GGT7: variants seen among roughly 807,000 people sequenced by gnomAD.
GGT7 encodes the protein gamma-glutamyltransferase 7, also known as glutathione hydrolase 7.
In GGT7, 30 loss-of-function variants were observed where a neutral mutation model predicts 69.2. The observed-to-expected ratio is 0.43, with a 90% confidence interval of 0.32 to 0.59. The LOEUF is 0.59. Among genes scored for constraint, GGT7 ranks in the 20% least tolerant of loss-of-function variants. The probability of loss-of-function intolerance (pLI) is 0.05; values close to 1 mark genes in which losing one functional copy is unlikely to be tolerated. For missense variants in GGT7, 733 were observed against 901.1 expected (o/e 0.81, Z 2.39); for synonymous variants, 388 against 391.8 (o/e 0.99, Z 0.12).
Position 34,845,150 on chromosome 20 carries a change from AC to A in GGT7, c.*177del. 2 of 300,124 alleles carry A rather than the reference AC, an allele frequency of 6.7e-6. No homozygotes were observed. The highest frequency in any genetic ancestry group is 2.8e-5 in the South Asian group (1 of 35,862). 18.6% of individuals were successfully genotyped at this position (300,124 alleles called of 1,614,324 possible). On this transcript the variant is annotated 3_prime_UTR_variant, in exon 15 of 15. Transcript: ENST00000336431. ...CACCACCACCACCACCACCACCACCACCACAGGCCTCCTGATGGAGAATTTT... is the reference window on the plus strand; with the variant it reads ...CACCACCACCACCACCACCACCACCACACAGGCCTCCTGATGGAGAATTTT...
In GGT7 at chr20:34,845,138, A is replaced by ACCACCACCACCACCACCACCC; in HGVS notation, c.*189_*190insGGGTGGTGGTGGTGGTGGTGG. 1 of 317,250 alleles carries ACCACCACCACCACCACCACCC rather than the reference A, an allele frequency of 3.2e-6. No homozygotes were observed. Among genetic ancestry groups the ACCACCACCACCACCACCACCC allele is most frequent in the Non-Finnish European group, 6.0e-6 (1 of 166,970 alleles). The allele number at this position is 317,250 out of a possible 1,614,324, so 19.7% of individuals were successfully genotyped here. A position where few individuals can be genotyped will look rare whatever the true frequency, so the allele number is the denominator to read the frequency against. On this transcript the variant is annotated 3_prime_UTR_variant, in exon 15 of 15. Coordinates refer to ENST00000336431, the MANE Select transcript of GGT7 (RefSeq NM_178026.3). ...CACCACCACCACCACCACCACCACC[A>ACCACCACCACCACCACCACCC]CCACCACCACCACCACAGGCCTCCT...
In GGT7 at chr20:34,859,996, C is replaced by A. The variant is rs866049288; in HGVS notation, c.790G>T (p.Asp264Tyr). The A allele has an allele frequency of 1.3e-6, 2 of 1,566,714 alleles. No homozygotes were observed. Among genetic ancestry groups the A allele is most frequent in the Non-Finnish European group, 1.7e-6 (2 of 1,155,116 alleles). The change falls in exon 6 of 15, where the codon GAT (aspartate) becomes TAT (tyrosine). Residue 264 changes from aspartate (D) to tyrosine (Y), a missense_variant. Asp to Tyr is a radical substitution (Grantham distance 160). Transcript: ENST00000336431. ...AGATCATGAGTCACGTTGAAGCCAT[C>A]TTGGGCCACAGCTGCTGCAAAGGCC... ...VLAFAAAVAQ[D>Y]GFNVTHDLAR...
intron 1 of GGT7, among the ~76,000 whole-genome samples, chr20:34,864,051 C>T (rs567429520): frequency 6.6e-6 from 1 of 152,298 alleles, no homozygotes; most frequent in South Asian, 2.1e-4. Context: ...TAGTTCCTGC[C>T]CTCATGTGGT....
intron 8 of GGT7, among the ~76,000 whole-genome samples, chr20:34,855,242 A>G (rs1441149562): frequency 2.0e-5 from 3 of 152,216 alleles, no homozygotes; most frequent in Non-Finnish European, 4.4e-5. Context: ...ACAGGTGACC[A>G]GATGTTCATA....
chr20:34,850,756 T>A (rs1366428045), intron 13 of GGT7: 14 of 457,500 alleles, frequency 3.1e-5, no homozygotes, highest in Non-Finnish European at 6.2e-5. Context: ...AGTGTCTGAT[T>A]CCAGAACTTA....
rs768377667 is a variant in GGT7 at position 34,863,643 on chromosome 20, C to A, written c.170-95G>T. ...ATTCAGCGCTTTCCCTGCCCCGCCC[C>A]TGCCACACAATCCCCGCACTGGCTA... is the stretch of plus-strand genomic sequence containing the variant. On this transcript the variant is annotated intron_variant, in intron 1 of 14. Transcript: ENST00000336431. This position sits in a 1 kb window ranked among gnomAD's most constrained non-coding sequence, Gnocchi z 4.4. The A allele has an allele frequency of 3.0e-5, 25 of 829,738 alleles. No homozygotes were observed. The African/African-American group carries it at 4.0e-4, about 13-fold the overall frequency. The allele number at this position is 829,738 out of a possible 1,614,324, so 51.4% of individuals were successfully genotyped here.
chr20:34,859,347 G>A (rs2079543766), intron 7 of GGT7, 96 bp downstream of exon 7: 1 of 823,312 alleles, frequency 1.2e-6, no homozygotes, highest in Admixed American at 2.9e-5. Flanking sequence ...AGAAAGAAAG[G>A]GAGGGAGGGA....
Position 34,863,590 on chromosome 20 carries a change from T to C in GGT7, c.170-42A>G, listed in dbSNP as rs1196541467. 3 of 1,333,900 alleles carry C rather than the reference T, an allele frequency of 2.2e-6. No homozygotes were observed. The highest frequency in any genetic ancestry group is 2.5e-5 in the South Asian group (2 of 79,618). The allele number at this position is 1,333,900 out of a possible 1,614,324, so 82.6% of individuals were successfully genotyped here. ...GGGGTCGGTCTGGGCATCTCCTATC[T>C]GGCCCTGCCCACCCTCCAGGTGGGA... On this transcript the variant is annotated intron_variant, in intron 1 of 14. Coordinates refer to ENST00000336431, the MANE Select transcript of GGT7 (RefSeq NM_178026.3). This position sits in a 1 kb window ranked among gnomAD's most constrained non-coding sequence, Gnocchi z 4.4.
At chr20:34,848,211 T>A (rs950988415) in intron 14 of GGT7, among the ~76,000 whole-genome samples, 4 of 152,228 alleles carry the variant, frequency 2.6e-5, no homozygotes, top group African/African-American at 7.2e-5. Flanking sequence ...GCTGGGTAAA[T>A]TGAGAACTCT....
intron 3 of GGT7, 45 bp from the exon 4 acceptor site, chr20:34,861,607 C>T: frequency 8.6e-7 from 1 of 1,158,282 alleles, no homozygotes; most frequent in Non-Finnish European, 1.2e-6. Context: ...ACATGCTACC[C>T]CTCTGTACAA....
chr20:34,847,693 A>C (rs1347477455), intron 14 of GGT7, among the ~76,000 whole-genome samples: 1 of 152,226 alleles, frequency 6.6e-6, no homozygotes. Context: ...AAAACTACAC[A>C]TATCTATTTG....
chr20:34,861,290 T>C, intron 4 of GGT7, 155 bp downstream of exon 4: 1 of 426,248 alleles, frequency 2.3e-6, no homozygotes, highest in Non-Finnish European at 4.2e-6. Context: ...TTATTTTATC[T>C]TGGGGGCTGC....
intron 5 of GGT7, 52 bp from the exon 6 acceptor site, chr20:34,860,094 G>T: frequency 1.1e-6 from 1 of 892,636 alleles, no homozygotes; most frequent in South Asian, 1.4e-5. Context: ...GAATGAGGAG[G>T]GGTCCGGGGG....
rs761753543 is a variant in GGT7, at chr20:34,861,592, T to A, written c.558-30A>T. The A allele has an allele frequency of 3.1e-6, 4 of 1,299,868 alleles. No homozygotes were observed. The East Asian group carries it at 1.1e-4, about 34-fold the overall frequency. 80.5% of individuals were successfully genotyped at this position (1,299,868 alleles called of 1,614,324 possible). A position where few individuals can be genotyped will look rare whatever the true frequency, so the allele number is the denominator to read the frequency against. ...GAGAGACACAGAAGGGGAAGTGTGA[T>A]GATAACATGCTACCCCTCTGTACAA... is the stretch of plus-strand genomic sequence containing the variant. On this transcript the variant is annotated intron_variant, in intron 3 of 14. Transcript: ENST00000336431.
chr20:34,857,181 T>C (rs897593010), intron 7 of GGT7, among the ~76,000 whole-genome samples: 1 of 152,204 alleles, frequency 6.6e-6, no homozygotes, highest in Non-Finnish European at 1.5e-5. Flanking sequence ...GGCCCCAGCC[T>C]ACCCCTCCCA....
chr20:34,846,858 C>G (rs1164543543), intron 14 of GGT7, among the ~76,000 whole-genome samples: 1 of 152,158 alleles, frequency 6.6e-6, no homozygotes, highest in Non-Finnish European at 1.5e-5. Flanking sequence ...ACATTGACCT[C>G]CTTGCTGTCC....
At position 34,859,611 on chromosome 20, in the gene GGT7, G is replaced by T; in HGVS notation, c.846C>A (p.Pro282=). The change falls in exon 7 of 15, where the codon CCC becomes CCA. Residue 282 remains proline (P), a synonymous_variant. Transcript: ENST00000336431. ...TCTCCCGGAAGCGCTCGGACATGTT[G>T]GGTGGCAGCTGTTCAGCCAGGGCAC... The part of the protein sequence containing the change: ...LARALAEQLP[P]NMSERFRETF... 6.3e-7 allele frequency: 1 copy of T among 1,599,460 alleles called. No homozygotes were observed. The highest frequency in any genetic ancestry group is 8.5e-7 in the Non-Finnish European group (1 of 1,172,082).
chr20:34,857,316 A>T (rs1382678274), intron 7 of GGT7, among the ~76,000 whole-genome samples: 1 of 152,146 alleles, frequency 6.6e-6, no homozygotes, highest in Non-Finnish European at 1.5e-5. Context: ...AAGGTTTTCT[A>T]CTTATGGCAC....
intron 1 of GGT7, among the ~76,000 whole-genome samples, chr20:34,870,420 A>G (rs1436659292): frequency 6.6e-6 from 1 of 152,104 alleles, no homozygotes; most frequent in Non-Finnish European, 1.5e-5. Flanking sequence ...CTTCTCTCTC[A>G]TGCATTTATT....
Sources: gnomAD v4.1 joint callset for allele counts (sites outside exome capture counted in the v4.1 genomes callset) on GRCh38, gnomAD v4.1.1 for gene constraint, Gnocchi (gnomAD v3.1) non-coding constraint, MANE v1.5 for transcripts, NCBI Gene and HGNC (gene_info 2026-07-23, HGNC 2026-07-21) for gene names.